Variants in TM9SF4 observed in about 807,000 individuals in gnomAD.
The protein encoded by TM9SF4 is dinucleotide oxidase disulfide thiol exchanger 3 superfamily member 4.
Under a neutral mutation model 90.4 loss-of-function variants are expected in TM9SF4, and 26 were observed. That is an observed-to-expected ratio of 0.29 (90% CI 0.21 to 0.40). The LOEUF is 0.40. Among genes scored for constraint, TM9SF4 ranks in the 10% least tolerant of loss-of-function variants. The pLI, the probability that TM9SF4 is intolerant of heterozygous loss-of-function variation, is 1.00. For missense variants in TM9SF4, 549 were observed against 834.8 expected (o/e 0.66, Z 4.22); for synonymous variants, 293 against 315.4 (o/e 0.93, Z 0.75).
At chr20:32,161,543 T>A (rs1180909653) in intron 17 of TM9SF4, among the ~76,000 whole-genome samples, 178 bp downstream of exon 17, 1 of 152,180 alleles carries the variant, frequency 6.6e-6, no homozygotes, top group Non-Finnish European at 1.5e-5. Flanking sequence ...AAAGAAAGAA[T>A]CTGTATTCTG....
intron 12 of TM9SF4, 109 bp downstream of exon 12, chr20:32,150,984 G>A: frequency 7.5e-7 from 1 of 1,326,504 alleles, no homozygotes; most frequent in Non-Finnish European, 1.1e-6. Context: ...GCCAGAAGCT[G>A]AGCAGCAGCA....
intron 15 of TM9SF4, chr20:32,159,731 A>T (rs1188977997): frequency 2.0e-6 from 1 of 488,402 alleles, no homozygotes; most frequent in East Asian, 3.5e-5. Context: ...TTTGATTTGG[A>T]TAAGAATCAT....
At chr20:32,147,495 G>T (rs1294841319) in intron 9 of TM9SF4, among the ~76,000 whole-genome samples, 2 of 151,932 alleles carry the variant, frequency 1.3e-5, no homozygotes, top group African/African-American at 4.8e-5. Flanking sequence ...AACAATATCT[G>T]CAACAAACTT....
chr20:32,138,650 C>G (rs1004638757), intron 3 of TM9SF4, among the ~76,000 whole-genome samples: 2 of 152,214 alleles, frequency 1.3e-5, no homozygotes, highest in East Asian at 1.9e-4. Context: ...GAGCAAGACT[C>G]TATCTCAAAA....
At chr20:32,116,101 C>G (rs1471400459) in intron 1 of TM9SF4, 1 of 152,174 alleles carries the variant, frequency 6.6e-6, no homozygotes, top group African/African-American at 2.4e-5. Flanking sequence ...GTATTACAGG[C>G]ATGAGCCACC....
intron 1 of TM9SF4, among the ~76,000 whole-genome samples, chr20:32,121,014 C>T (rs543670794): frequency 1.8e-4 from 27 of 152,176 alleles, no homozygotes; most frequent in African/African-American, 6.0e-4. Flanking sequence ...ATTCAATTTT[C>T]TAATATTTTG....
chr20:32,123,481 CT>C (rs11482946), intron 1 of TM9SF4, among the ~76,000 whole-genome samples: 26 of 146,956 alleles, frequency 1.8e-4, no homozygotes, highest in Admixed American at 2.0e-4. Flanking sequence ...GCCATTTGAG[CT>C]TTTTTTTTTA....
At chr20:32,142,034 G>T (rs762419090) in intron 5 of TM9SF4, 139 bp downstream of exon 5, 15 of 1,396,828 alleles carry the variant, frequency 1.1e-5, no homozygotes, top group Non-Finnish European at 1.5e-5. Flanking sequence ...TCAGAGGTCC[G>T]AGTGCTCCGG....
chr20:32,159,820 A>G (rs1017171350), intron 15 of TM9SF4, 172 bp from the exon 16 acceptor site: 19 of 847,470 alleles, frequency 2.2e-5, no homozygotes, highest in Non-Finnish European at 3.1e-5. Context: ...CCCTAAGGAC[A>G]GTGTGGCTCA....
chr20:32,114,629 A>G (rs954336609), intron 1 of TM9SF4, among the ~76,000 whole-genome samples: 2 of 152,168 alleles, frequency 1.3e-5, no homozygotes, highest in Non-Finnish European at 2.9e-5. Context: ...CACTGTGCCC[A>G]GCAAAAACTG....
chr20:32,111,424 A>G (rs567426274), intron 1 of TM9SF4, among the ~76,000 whole-genome samples: 1 of 152,346 alleles, frequency 6.6e-6, no homozygotes, highest in African/African-American at 2.4e-5. Context: ...TAAGCTAGCA[A>G]TACATATATG....
At chr20:32,132,367 G>T (rs2046530845) in intron 1 of TM9SF4, among the ~76,000 whole-genome samples, 1 of 151,796 alleles carries the variant, frequency 6.6e-6, no homozygotes, top group Admixed American at 6.6e-5. Context: ...TCATGCCATT[G>T]TACTCCAACC....
intron 13 of TM9SF4, 101 bp from the exon 14 acceptor site, chr20:32,157,693 C>G: frequency 6.9e-7 from 1 of 1,442,028 alleles, no homozygotes; most frequent in Non-Finnish European, 9.4e-7. Flanking sequence ...CTGCACAAGT[C>G]GCCTCTCCTT....
At position 32,144,985 on chromosome 20, in the gene TM9SF4, G is replaced by A. The variant is rs879195622; in HGVS notation, c.653-106G>A. 7.3e-5 allele frequency: 70 copies of A among 958,070 alleles called. 1 individual carries two copies. The highest frequency in any genetic ancestry group is 5.7e-4 in the South Asian group (43 of 75,378). 59.3% of individuals were successfully genotyped at this position (958,070 alleles called of 1,614,324 possible). A position where few individuals can be genotyped will look rare whatever the true frequency, so the allele number is the denominator to read the frequency against. On this transcript the variant is annotated intron_variant, in intron 6 of 17. Transcript: ENST00000398022. ...GCTCCCAGTCTCCACTCCCACCCTA[G>A]AGGCTGGGTCTCCGCGACAGGCAGC...
intron 10 of TM9SF4, 57 bp from the exon 11 acceptor site, chr20:32,150,565 G>T: frequency 1.9e-6 from 3 of 1,606,848 alleles, no homozygotes; most frequent in Non-Finnish European, 8.5e-7. Flanking sequence ...GGGGCTAGAG[G>T]CCTGGTGATC....
intron 2 of TM9SF4, 32 bp downstream of exon 2, chr20:32,133,158 G>T: frequency 6.3e-7 from 1 of 1,599,428 alleles, no homozygotes; most frequent in Non-Finnish European, 8.6e-7. Flanking sequence ...TGGAGCCTCT[G>T]TGCTAGGCAG....
chr20:32,138,151 C>T (rs2046620156), intron 3 of TM9SF4, among the ~76,000 whole-genome samples: 1 of 152,210 alleles, frequency 6.6e-6, no homozygotes, highest in Admixed American at 6.5e-5. Context: ...TCTGTTGTCG[C>T]AGGCTGCCTT....
chr20:32,136,570 C>T (rs774708825), intron 3 of TM9SF4, among the ~76,000 whole-genome samples: 39 of 152,134 alleles, frequency 2.6e-4, no homozygotes, highest in Non-Finnish European at 4.1e-4. Flanking sequence ...AAAGAGAGAG[C>T]GAGTGCCTCT....
intron 1 of TM9SF4, among the ~76,000 whole-genome samples, chr20:32,120,628 T>A (rs2046292313): frequency 6.6e-6 from 1 of 152,194 alleles, no homozygotes; most frequent in Non-Finnish European, 1.5e-5. Flanking sequence ...TCTTCAGGGA[T>A]GCCCTTAATT....
Sources: allele counts gnomAD v4.1 joint callset (sites outside exome capture counted in the v4.1 genomes callset), GRCh38; gene constraint gnomAD v4.1.1; transcripts MANE v1.5; gene names NCBI Gene and HGNC (gene_info 2026-07-23, HGNC 2026-07-21).